Variants in FBN2 observed in about 807,000 individuals in gnomAD.
FBN2 encodes fibrillin 2.
Under a neutral mutation model 355.6 loss-of-function variants are expected in FBN2, and 105 were observed. The ratio of observed to expected loss-of-function variants is 0.30; its 90% CI spans 0.25 to 0.35. FBN2 has a LOEUF of 0.35. FBN2 is among the 10% of genes least tolerant of loss of function. The probability of loss-of-function intolerance (pLI) is 1.00; values close to 1 mark genes in which losing one functional copy is unlikely to be tolerated. For missense variants in FBN2, 3,280 were observed against 3,758.7 expected, an observed-to-expected ratio of 0.87 and a Z score of 3.33; for synonymous variants, 1,350 against 1,301.2, an observed-to-expected ratio of 1.04 and a Z score of -0.81.
chr5:128,285,001 G>A (rs1419562433), intron 55 of FBN2, among the ~76,000 whole-genome samples: 1 of 152,054 alleles, frequency 6.6e-6, no homozygotes, highest in Non-Finnish European at 1.5e-5. Context: ...AATGATCTTG[G>A]TAAAAAAATG....
chr5:128,496,880 A>G (rs147189698), intron 5 of FBN2, among the ~76,000 whole-genome samples: 1 of 152,140 alleles, frequency 6.6e-6, no homozygotes, highest in Non-Finnish European at 1.5e-5. Flanking sequence ...TCAATACACA[A>G]AACTCAACTG....
chr5:128,311,536 A>ACT, intron 38 of FBN2, 111 bp from the exon 39 acceptor site: 1 of 1,139,746 alleles, frequency 8.8e-7, no homozygotes. Flanking sequence ...CTATGCATCC[A>ACT]AATGAACGCA....
At chr5:128,280,979 G>A (rs573139412) in intron 55 of FBN2, among the ~76,000 whole-genome samples, 16 of 152,176 alleles carry the variant, frequency 1.1e-4, no homozygotes, top group Non-Finnish European at 2.2e-4. Flanking sequence ...GTTGTTAGGA[G>A]CATAAGAGAG....
intron 6 of FBN2, among the ~76,000 whole-genome samples, chr5:128,451,220 A>G (rs952979786): frequency 2.6e-5 from 4 of 152,202 alleles, no homozygotes; most frequent in Admixed American, 6.5e-5. Context: ...AGCTATATCT[A>G]TTGAACTAAT....
At chr5:128,368,252 C>T (rs957596288) in intron 16 of FBN2, among the ~76,000 whole-genome samples, 1 of 151,752 alleles carries the variant, frequency 6.6e-6, no homozygotes, top group Non-Finnish European at 1.5e-5. Flanking sequence ...ACTGTACTTA[C>T]GTATATTCAA....
intron 7 of FBN2, among the ~76,000 whole-genome samples, chr5:128,443,080 C>G (rs190857085): frequency 6.6e-6 from 1 of 152,152 alleles, no homozygotes; most frequent in Non-Finnish European, 1.5e-5. Flanking sequence ...AGTGAATGAG[C>G]AGAAGACATT....
intron 19 of FBN2, among the ~76,000 whole-genome samples, chr5:128,358,233 T>TA (rs534645596): frequency 4.6e-5 from 7 of 151,934 alleles, no homozygotes; most frequent in Non-Finnish European, 7.4e-5. Flanking sequence ...TAAAGTACTA[T>TA]AAAAAAAATC....
At chr5:128,466,785 G>C (rs1229463202) in intron 5 of FBN2, among the ~76,000 whole-genome samples, 7 of 152,146 alleles carry the variant, frequency 4.6e-5, no homozygotes, top group African/African-American at 9.7e-5. Flanking sequence ...TTTTGAAAAA[G>C]ATCTTTGGAG....
At chr5:128,496,926 A>G (rs1447402144) in intron 5 of FBN2, among the ~76,000 whole-genome samples, 1 of 152,146 alleles carries the variant, frequency 6.6e-6, no homozygotes, top group Non-Finnish European at 1.5e-5. Context: ...TTTCAAAAAT[A>G]AAACTGAAAC....
chr5:128,420,870 A>T (rs1352732969), intron 7 of FBN2, among the ~76,000 whole-genome samples: 1 of 152,220 alleles, frequency 6.6e-6, no homozygotes, highest in Non-Finnish European at 1.5e-5. Context: ...AAGGCACAAT[A>T]TAATTTATTC....
chr5:128,436,043 C>G (rs1450402675), intron 7 of FBN2, among the ~76,000 whole-genome samples: 2 of 152,084 alleles, frequency 1.3e-5, no homozygotes, highest in African/African-American at 4.8e-5. Flanking sequence ...TCAGTAATTC[C>G]CCATGAAATA....
intron 5 of FBN2, among the ~76,000 whole-genome samples, chr5:128,516,675 T>A (rs140179941): frequency 1.1e-3 from 169 of 152,274 alleles, no homozygotes; most frequent in Middle Eastern, 0.01. Context: ...GTCTTTTTAT[T>A]AAGATAACAA....
At chr5:128,399,293 A>G (rs1752732045) in intron 8 of FBN2, among the ~76,000 whole-genome samples, 1 of 152,244 alleles carries the variant, frequency 6.6e-6, no homozygotes, top group South Asian at 2.1e-4. Flanking sequence ...GAGAAACGGT[A>G]TTTTAAAAAA....
chr5:128,376,231 T>C (rs1457477171), intron 14 of FBN2, among the ~76,000 whole-genome samples: 1 of 152,198 alleles, frequency 6.6e-6, no homozygotes, highest in Non-Finnish European at 1.5e-5. Context: ...GTAAACAAAA[T>C]AATTAATTGA....
chr5:128,365,994 T>C (rs1341379057), intron 17 of FBN2, among the ~76,000 whole-genome samples: 1 of 151,882 alleles, frequency 6.6e-6, no homozygotes, highest in Non-Finnish European at 1.5e-5. Flanking sequence ...ATCAAATATC[T>C]CTTTAATACT....
chr5:128,446,182 A>C, intron 7 of FBN2: 1 of 296,100 alleles, frequency 3.4e-6, no homozygotes, highest in Non-Finnish European at 6.7e-6. Context: ...ATATAACTTT[A>C]TAAGTGAAAT....
At chr5:128,497,967 G>GAAAAGCAAAAGC (rs201684851) in intron 5 of FBN2, among the ~76,000 whole-genome samples, 2 of 152,080 alleles carry the variant, frequency 1.3e-5, no homozygotes, top group African/African-American at 4.8e-5. Flanking sequence ...CTAGGAAAAG[G>GAAAAGCAAAAGC]AAAAGCAAAA....
rs1756607183 is a variant in FBN2, at chr5:128,527,983, A to G, written c.437-16T>C. The G allele has an allele frequency of 3.2e-6, 5 of 1,575,532 alleles. No homozygotes were observed. Among genetic ancestry groups the G allele is most frequent in the Admixed American group, 1.7e-5 (1 of 59,736 alleles). On this transcript the variant is annotated splice_polypyrimidine_tract_variant and intron_variant, in intron 3 of 64. Coordinates refer to ENST00000262464, the MANE Select transcript of FBN2 (RefSeq NM_001999.4). ...CACTGCTGAACTGCAAAGAGCAATA[A>G]CAAAAAGTATAAAAACATCAGTCAT...
rs188559930 is a variant in FBN2 at position 128,339,517 on chromosome 5, C to T, written c.3344-456G>A. Among the ~76,000 whole-genome samples the T allele has an allele frequency of 2.6e-3, 402 of 151,966 alleles. 1 individual carries two copies. Among genetic ancestry groups the T allele is most frequent in the Non-Finnish European group, 2.9e-3 (199 of 67,960 alleles). ...TTGAGCCCAAGAGGTCAAGGCTGCA[C>T]GGAGTTACGATGTATGATGGCACCA... On this transcript the variant is annotated intron_variant, in intron 25 of 64. Transcript: ENST00000262464.
Sources: allele counts gnomAD v4.1 joint callset (sites outside exome capture counted in the v4.1 genomes callset), GRCh38; gene constraint gnomAD v4.1.1; transcripts MANE v1.5; gene names NCBI Gene and HGNC (gene_info 2026-07-23, HGNC 2026-07-21).